Variants in CDK17 observed in about 807,000 individuals in gnomAD.
CDK17 encodes cyclin-dependent kinase 17.
Under a neutral mutation model 77.6 loss-of-function variants are expected in CDK17, and 24 were observed. The ratio of observed to expected loss-of-function variants is 0.31; its 90% CI spans 0.22 to 0.44. The LOEUF (loss-of-function observed/expected upper bound fraction) is 0.44. CDK17 is among the 20% of genes least tolerant of loss of function. The probability of loss-of-function intolerance (pLI) is 1.00; values close to 1 mark genes in which losing one functional copy is unlikely to be tolerated. For missense variants in CDK17, 429 were observed against 622.5 expected, an observed-to-expected ratio of 0.69 and a Z score of 3.31; for synonymous variants, 203 against 210.4, an observed-to-expected ratio of 0.96 and a Z score of 0.30.
intron 1 of CDK17, chr12:96,399,174 G>C (rs1954218117): frequency 6.6e-6 from 1 of 152,346 alleles, no homozygotes; most frequent in Non-Finnish European, 1.5e-5. Context: ...GGGGTGACAG[G>C]AGGGAGGGAA....
intron 5 of CDK17, among the ~76,000 whole-genome samples, chr12:96,308,594 T>C (rs1952606712): frequency 6.6e-6 from 1 of 151,718 alleles, no homozygotes; most frequent in Non-Finnish European, 1.5e-5. Context: ...CAGGACATGG[T>C]GGCGCATACC....
intron 5 of CDK17, among the ~76,000 whole-genome samples, chr12:96,310,135 C>G (rs1441389675): frequency 6.6e-6 from 1 of 152,096 alleles, no homozygotes; most frequent in African/African-American, 2.4e-5. Context: ...GAATACCATG[C>G]AACAATGAAA....
Position 96,362,576 on chromosome 12 carries a change from T to A in CDK17, c.-29-27711A>T, listed in dbSNP as rs974279983. Reference sequence around the variant, plus strand: ...AAAATAACTATATTAGAGGATTCTCTAATATCCTATCTGTAAAACTTCATC... The same window carrying A: ...AAAATAACTATATTAGAGGATTCTCAAATATCCTATCTGTAAAACTTCATC... On this transcript the variant is annotated intron_variant, in intron 1 of 16. Coordinates refer to ENST00000261211, the MANE Select transcript of CDK17 (RefSeq NM_002595.5). Among the ~76,000 whole-genome samples the A allele has an allele frequency of 1.1e-4, 16 of 152,284 alleles. No homozygotes were observed. The East Asian group carries it at 1.2e-3, about 11-fold the overall frequency.
intron 13 of CDK17, 91 bp downstream of exon 13, chr12:96,285,952 A>AT (rs34615906): frequency 3.0e-6 from 2 of 670,116 alleles, no homozygotes; most frequent in Non-Finnish European, 5.4e-6. Context: ...TGTATTATGT[A>AT]TTTTTTCCTG....
chr12:96,372,168 T>C (rs1284251234), intron 1 of CDK17, among the ~76,000 whole-genome samples: 1 of 152,148 alleles, frequency 6.6e-6, no homozygotes, highest in Non-Finnish European at 1.5e-5. Context: ...TAAGACAAAT[T>C]CTACTAAGTA....
At chr12:96,284,511 T>C (rs1429042992) in intron 13 of CDK17, 1 of 146,200 alleles carries the variant, frequency 6.8e-6, no homozygotes, top group African/African-American at 2.5e-5. Context: ...ATAAAACTAA[T>C]GACATAATAA....
At chr12:96,338,747 A>G (rs1307047063) in intron 1 of CDK17, among the ~76,000 whole-genome samples, 1 of 150,148 alleles carries the variant, frequency 6.7e-6, no homozygotes, top group African/African-American at 2.5e-5. Flanking sequence ...GCGATAATAA[A>G]TGTTATTGTC....
In CDK17 at chr12:96,285,286, T is replaced by A. The variant is rs767782302; in HGVS notation, c.1322+757A>T. ...AGAGTACCAACTCACATAAATACTT[T>A]AAAAATATTTTTGGTGTCATAACTG... On this transcript the variant is annotated intron_variant, in intron 13 of 16. Transcript: ENST00000261211. 4.3e-4 allele frequency among the ~76,000 whole-genome samples: 66 copies of A among 152,216 alleles called. 1 individual carries two copies. The highest frequency in any genetic ancestry group is 1.2e-4 in the Non-Finnish European group (8 of 68,038).
At chr12:96,302,773 C>T (rs866211903) in intron 5 of CDK17, among the ~76,000 whole-genome samples, 7 of 152,190 alleles carry the variant, frequency 4.6e-5, no homozygotes, top group East Asian at 1.9e-4. Context: ...TCGAGGTTTG[C>T]TTTAAAGACT....
chr12:96,332,029 G>T (rs967244313), intron 2 of CDK17, among the ~76,000 whole-genome samples: 1 of 152,196 alleles, frequency 6.6e-6, no homozygotes, highest in Non-Finnish European at 1.5e-5. Flanking sequence ...TGATGCCAGT[G>T]ATGCCACACC....
chr12:96,330,846 A>G (rs542495032), intron 2 of CDK17, among the ~76,000 whole-genome samples: 61 of 152,304 alleles, frequency 4.0e-4, no homozygotes, highest in African/African-American at 1.4e-3. Context: ...ACCTGTTTCA[A>G]TTATTTGGGG....
chr12:96,354,485 T>C (rs941318839), intron 1 of CDK17, among the ~76,000 whole-genome samples: 1 of 152,224 alleles, frequency 6.6e-6, no homozygotes, highest in Non-Finnish European at 1.5e-5. Flanking sequence ...CCACAATCAA[T>C]GCATCACCAA....
At chr12:96,371,885 A>C (rs1423730266) in intron 1 of CDK17, among the ~76,000 whole-genome samples, 1 of 152,144 alleles carries the variant, frequency 6.6e-6, no homozygotes, top group Non-Finnish European at 1.5e-5. Flanking sequence ...CTACTTTCTA[A>C]ATATTCATGT....
intron 11 of CDK17, among the ~76,000 whole-genome samples, chr12:96,287,326 T>C (rs1267224872): frequency 6.6e-6 from 1 of 152,134 alleles, no homozygotes; most frequent in Non-Finnish European, 1.5e-5. Context: ...GAGAATAGAA[T>C]GGTGGTTCTT....
rs1310039648 is a variant in CDK17 at position 96,390,236 on chromosome 12, C to A, written c.-30+9750G>T. On this transcript the variant is annotated intron_variant, in intron 1 of 16. Coordinates refer to ENST00000261211, the MANE Select transcript of CDK17 (RefSeq NM_002595.5). ...TGGCGATGTCAGCTTACTGCAACCT[C>A]CACCTCCCAGGTTCGAGTGATTCTC... 2.0e-5 allele frequency among the ~76,000 whole-genome samples: 3 copies of A among 151,002 alleles called. No individual in the cohort carries two copies. In the East Asian group the frequency reaches 5.9e-4, roughly 30 times the overall value.
rs1287025195 is a variant in CDK17, at chr12:96,280,400, G to T, written c.1535-121C>A. The T allele has an allele frequency of 2.7e-6, 4 of 1,483,492 alleles. No individual in the cohort carries two copies. The Admixed American group carries it at 7.3e-5, about 27-fold the overall frequency. 91.9% of individuals were successfully genotyped at this position (1,483,492 alleles called of 1,614,324 possible). A position where few individuals can be genotyped will look rare whatever the true frequency, so the allele number is the denominator to read the frequency against. On this transcript the variant is annotated intron_variant, in intron 16 of 16. Coordinates refer to ENST00000261211, the MANE Select transcript of CDK17 (RefSeq NM_002595.5). ...AAAGCTAATATTCCATGGTAAGAGT[G>T]ATCAGCACTGTCTTAAATGACCCTT...
intron 2 of CDK17, among the ~76,000 whole-genome samples, chr12:96,330,294 CAAA>C (rs925118380): frequency 7.4e-6 from 1 of 134,984 alleles, no homozygotes. Flanking sequence ...GCAGTGACAG[CAAA>C]AAAAAAAAAG....
chr12:96,357,526 C>T (rs541067667), intron 1 of CDK17, among the ~76,000 whole-genome samples: 1 of 152,250 alleles, frequency 6.6e-6, no homozygotes, highest in East Asian at 1.9e-4. Context: ...GATGAACACT[C>T]TCGGTCGTGA....
intron 1 of CDK17, among the ~76,000 whole-genome samples, chr12:96,353,610 G>GT (rs1031282386): frequency 1.3e-5 from 2 of 150,800 alleles, no homozygotes; most frequent in Non-Finnish European, 3.0e-5. Flanking sequence ...GGTGGCGGGG[G>GT]GGGGCGCGGG....
Sources: gnomAD v4.1 joint callset for allele counts (sites outside exome capture counted in the v4.1 genomes callset) on GRCh38, gnomAD v4.1.1 for gene constraint, MANE v1.5 for transcripts, NCBI Gene and HGNC (gene_info 2026-07-23, HGNC 2026-07-21) for gene names.